Variants in UNC13B observed in about 807,000 individuals in gnomAD.
The protein encoded by UNC13B is unc-13 homolog B.
UNC13B carries 144 observed loss-of-function variants against 211.0 expected under a neutral mutation model. That is an observed-to-expected ratio of 0.68 (90% CI 0.60 to 0.78). The LOEUF is 0.78. Ranked by LOEUF, UNC13B falls within the 30% of genes least tolerant of loss-of-function variation. UNC13B has a pLI of 0.00. For synonymous variants in UNC13B, 709 were observed against 725.8 expected (o/e 0.98, Z 0.37); for missense variants, 1,777 against 2,002.0 (o/e 0.89, Z 2.14).
intron 7 of UNC13B, among the ~76,000 whole-genome samples, chr9:35,289,346 C>G (rs533261761): frequency 2.6e-5 from 4 of 152,158 alleles, no homozygotes; most frequent in Middle Eastern, 3.4e-3. Context: ...CCTTGTGGAC[C>G]CCACATTGAA....
chr9:35,211,492 C>G lies in UNC13B; in HGVS notation c.23-16523C>G, dbSNP rs185822180. Among the ~76,000 whole-genome samples, 11 of 152,276 alleles carry G rather than the reference C, an allele frequency of 7.2e-5. No individual in the cohort carries two copies. In the East Asian group the frequency reaches 2.1e-3, roughly 29 times the overall value. On this transcript the variant is annotated intron_variant, in intron 1 of 39. Transcript: ENST00000635942. ...ATTATATAGGTGTATTTTAACTTAT[C>G]TACTCATCTTCTATTGAACATTTAG...
At chr9:35,351,634 G>C (rs566887822) in intron 11 of UNC13B, 4 of 1,232,234 alleles carry the variant, frequency 3.2e-6, no homozygotes, top group Admixed American at 8.4e-5. Flanking sequence ...GTGGCACCAA[G>C]AGCAAATCCT....
chr9:35,393,473 G>C (rs1835669606), intron 26 of UNC13B, among the ~76,000 whole-genome samples: 1 of 152,152 alleles, frequency 6.6e-6, no homozygotes, highest in Non-Finnish European at 1.5e-5. Context: ...GCACTTCAGA[G>C]GGTAGGGGAA....
chr9:35,385,601 C>T, intron 22 of UNC13B, 123 bp from the exon 23 acceptor site: 1 of 1,417,160 alleles, frequency 7.1e-7, no homozygotes, highest in Non-Finnish European at 9.3e-7. Context: ...GTGTTTTTGG[C>T]CAGCTCAACT....
Position 35,302,504 on chromosome 9 carries a change from C to A in UNC13B, c.3100C>A (p.Pro1034Thr), listed in dbSNP as rs747308895. 2.8e-5 allele frequency: 11 copies of A among 398,326 alleles called. No homozygotes were observed. The highest frequency in any genetic ancestry group is 1.3e-4 in the South Asian group (1 of 7,818). 24.7% of individuals were successfully genotyped at this position (398,326 alleles called of 1,614,324 possible). The change falls in exon 9 of 40, where the codon CCT becomes ACT. Residue 1034 changes from proline to threonine, a missense_variant. By Grantham distance (38) the Pro-to-Thr change is conservative. Coordinates refer to ENST00000635942, the MANE Select transcript of UNC13B (RefSeq NM_001371189.2). ...EFNQNDQINS[P>T]EDAKFNIIKS... ...TAATCAGAATGACCAAATAAATAGT[C>A]CTGAAGATGCCAAATTTAATATAAT...
chr9:35,248,916 A>C (rs1826276119), intron 6 of UNC13B, among the ~76,000 whole-genome samples: 1 of 151,672 alleles, frequency 6.6e-6, no homozygotes, highest in African/African-American at 2.4e-5. Flanking sequence ...ATCCTTGTTA[A>C]CTTTCTGTCT....
At chr9:35,231,385 G>A (rs1825193413) in intron 3 of UNC13B, among the ~76,000 whole-genome samples, 166 bp downstream of exon 3, 1 of 152,158 alleles carries the variant, frequency 6.6e-6, no homozygotes, top group Non-Finnish European at 1.5e-5. Context: ...AATAAGTGAG[G>A]TTCATGGTAC....
intron 11 of UNC13B, among the ~76,000 whole-genome samples, chr9:35,325,382 C>T (rs1830948850): frequency 6.6e-6 from 1 of 152,104 alleles, no homozygotes; most frequent in African/African-American, 2.4e-5. Context: ...TTATCTTTTA[C>T]CAGCTACCCA....
rs1587259319 is a variant in UNC13B at position 35,162,024 on chromosome 9, T to C, written c.-260T>C. On this transcript the variant is annotated 5_prime_UTR_variant, in exon 1 of 40. Transcript: ENST00000635942. ...GACGGGAGGGAGTCCCGGCAGCTCC[T>C]ACCTCCCAGCGATGGCGTCGCTGTG... 1.3e-5 allele frequency: 7 copies of C among 544,852 alleles called. No individual in the cohort carries two copies. In the East Asian group the frequency reaches 2.5e-4, roughly 19 times the overall value. The allele number at this position is 544,852 out of a possible 1,614,324, so 33.8% of individuals were successfully genotyped here. A position where few individuals can be genotyped will look rare whatever the true frequency, so the allele number is the denominator to read the frequency against.
intron 11 of UNC13B, among the ~76,000 whole-genome samples, chr9:35,339,861 A>T (rs762398461): frequency 3.3e-5 from 5 of 152,226 alleles, no homozygotes; most frequent in Non-Finnish European, 7.3e-5. Context: ...CACTTTGTCA[A>T]TTAGGCAGGA....
chr9:35,241,443 A>G (rs1825800314), intron 5 of UNC13B, among the ~76,000 whole-genome samples: 1 of 152,112 alleles, frequency 6.6e-6, no homozygotes, highest in Non-Finnish European at 1.5e-5. Context: ...TAAATTAATA[A>G]TGGTTTAAAA....
At chr9:35,345,496 A>G (rs111701964) in intron 11 of UNC13B, among the ~76,000 whole-genome samples, 169 of 152,304 alleles carry the variant, frequency 1.1e-3, no homozygotes, top group Non-Finnish European at 1.9e-3. Context: ...GACAGATACT[A>G]AGGGTGAAAG....
chr9:35,375,101 G>A (rs760050909), intron 13 of UNC13B, 26 bp from the exon 14 acceptor site: 1 of 1,613,842 alleles, frequency 6.2e-7, no homozygotes, highest in Non-Finnish European at 8.5e-7. Context: ...CAGTGGTCAG[G>A]GCTAACAGCA....
Position 35,404,027 on chromosome 9 carries a change from G to A in UNC13B, c.13017G>A (p.Gly4339=). Residue 4339 remains glycine (G), a synonymous_variant, in exon 40 of 40, where the codon GGG becomes GGA. Coordinates refer to ENST00000635942, the MANE Select transcript of UNC13B (RefSeq NM_001371189.2). ...LKSESRSTEE[G]S ...CAGAGTCTCGTTCCACGGAGGAGGGGAGCTGAACACCTTCGACTCCTGTGC... is the reference window on the plus strand; with the variant it reads ...CAGAGTCTCGTTCCACGGAGGAGGGAAGCTGAACACCTTCGACTCCTGTGC... 1 of 1,612,482 alleles carries A rather than the reference G, an allele frequency of 6.2e-7. No individual in the cohort carries two copies. Among genetic ancestry groups the A allele is most frequent in the Non-Finnish European group, 8.5e-7 (1 of 1,179,482 alleles).
chr9:35,246,726 C>T (rs984608108), intron 6 of UNC13B, among the ~76,000 whole-genome samples: 3 of 152,124 alleles, frequency 2.0e-5, no homozygotes, highest in African/African-American at 7.2e-5. Context: ...GTTTTGGTAC[C>T]AGTACCATGC....
chr9:35,193,726 A>G (rs1295457760), intron 1 of UNC13B, among the ~76,000 whole-genome samples: 1 of 152,018 alleles, frequency 6.6e-6, no homozygotes, highest in African/African-American at 2.4e-5. Context: ...GAGCAGTATC[A>G]AGAATAAAAT....
intron 24 of UNC13B, 98 bp from the exon 25 acceptor site, chr9:35,389,748 G>A: frequency 7.5e-7 from 1 of 1,324,620 alleles, no homozygotes; most frequent in South Asian, 1.3e-5. Context: ...TAGAGGAAGA[G>A]GTATAGGAAG....
rs1291510879 is a variant in UNC13B at position 35,400,436 on chromosome 9, C to T, written c.12477C>T (p.Thr4159=). 6.2e-7 allele frequency: 1 copy of T among 1,613,048 alleles called. No homozygotes were observed. Among genetic ancestry groups the T allele is most frequent in the Non-Finnish European group, 8.5e-7 (1 of 1,179,562 alleles). ...TCAAGACCTTTGTGCGCTCGCAGACCACCCAAGGTAAGGCCCTGAGGGCTT... is the reference window on the plus strand; with the variant it reads ...TCAAGACCTTTGTGCGCTCGCAGACTACCCAAGGTAAGGCCCTGAGGGCTT... ...TLIKTFVRSQ[T]TQGSGVDDPV... Residue 4159 remains threonine (T), a synonymous_variant, in exon 37 of 40, where the codon ACC becomes ACT. Transcript: ENST00000635942.
chr9:35,182,824 T>G (rs368305551), intron 1 of UNC13B, among the ~76,000 whole-genome samples: 1 of 152,148 alleles, frequency 6.6e-6, no homozygotes, highest in Non-Finnish European at 1.5e-5. Flanking sequence ...CAAGGCAGAA[T>G]AATTTTTCTT....
Sources: gnomAD v4.1 joint callset for allele counts (sites outside exome capture counted in the v4.1 genomes callset) on GRCh38, gnomAD v4.1.1 for gene constraint, MANE v1.5 for transcripts, NCBI Gene and HGNC (gene_info 2026-07-23, HGNC 2026-07-21) for gene names.